Variants in KDM2A observed in about 807,000 individuals in gnomAD.
KDM2A encodes lysine demethylase 2A, also known as lysine-specific demethylase 2A.
A neutral mutation model predicts 137.3 loss-of-function variants in KDM2A; 3 were observed. That is an observed-to-expected ratio of 0.02 (90% CI 0.01 to 0.06). The LOEUF (loss-of-function observed/expected upper bound fraction) is 0.06, where lower values mean the gene tolerates loss of function less well. Ranked by LOEUF, KDM2A falls within the 10% of genes least tolerant of loss-of-function variation. KDM2A has a pLI of 1.00. For synonymous variants in KDM2A, 512 were observed against 541.5 expected (o/e 0.95, Z 0.76); for missense variants, 738 against 1,510.6 (o/e 0.49, Z 8.48).
intron 2 of KDM2A, among the ~76,000 whole-genome samples, chr11:67,171,360 A>G (rs1020289624): frequency 1.3e-5 from 2 of 152,206 alleles, no homozygotes; most frequent in African/African-American, 2.4e-5. Flanking sequence ...GTATGTAGCA[A>G]ATTGTCAATA....
At chr11:67,235,767 C>T (rs1858853972) in intron 12 of KDM2A, among the ~76,000 whole-genome samples, 1 of 151,070 alleles carries the variant, frequency 6.6e-6, no homozygotes, top group Admixed American at 6.6e-5. Context: ...TCTACAGGCA[C>T]GCACCACCAC....
At chr11:67,129,860 G>T (rs1590705100) in intron 2 of KDM2A, among the ~76,000 whole-genome samples, 1 of 150,670 alleles carries the variant, frequency 6.6e-6, no homozygotes, top group Non-Finnish European at 1.5e-5. Context: ...GCTGTACGCC[G>T]AGATCGTGCC....
At chr11:67,228,686 GAAA>G (rs139339570) in intron 11 of KDM2A, among the ~76,000 whole-genome samples, 10,908 of 104,924 alleles carry the variant, frequency 0.1, 1,414 homozygotes, top group African/African-American at 0.32. Flanking sequence ...ACCCTGTTGC[GAAA>G]AAAAAAAAAA....
intron 2 of KDM2A, among the ~76,000 whole-genome samples, chr11:67,176,029 G>T (rs1475038442): frequency 6.6e-6 from 1 of 152,142 alleles, no homozygotes; most frequent in African/African-American, 2.4e-5. Context: ...TACTTTGAAT[G>T]ATGATGGCAT....
intron 2 of KDM2A, among the ~76,000 whole-genome samples, chr11:67,137,793 G>T (rs1856000084): frequency 6.6e-6 from 1 of 152,068 alleles, no homozygotes; most frequent in East Asian, 1.9e-4. Flanking sequence ...GGACTTACTG[G>T]CATATGATTG....
intron 11 of KDM2A, 135 bp downstream of exon 11, chr11:67,228,298 T>G (rs886425845): frequency 2.2e-6 from 2 of 892,536 alleles, no homozygotes; most frequent in Admixed American, 2.5e-5. Context: ...AATTCATCAC[T>G]GGAATTGAAT....
chr11:67,182,635 C>T (rs1248752027), intron 5 of KDM2A, among the ~76,000 whole-genome samples: 1 of 150,964 alleles, frequency 6.6e-6, no homozygotes, highest in Non-Finnish European at 1.5e-5. Flanking sequence ...TGCATTCGAG[C>T]AGTTCTCCCA....
intron 2 of KDM2A, among the ~76,000 whole-genome samples, chr11:67,166,939 G>A (rs944795528): frequency 4.0e-5 from 6 of 151,850 alleles, no homozygotes; most frequent in African/African-American, 1.5e-4. Context: ...TTAGCCAGGC[G>A]TGGTGGTGCA....
intron 6 of KDM2A, 49 bp from the exon 7 acceptor site, chr11:67,215,291 A>G: frequency 8.2e-7 from 1 of 1,219,588 alleles, no homozygotes; most frequent in Non-Finnish European, 1.2e-6. Flanking sequence ...ATTATCTTTG[A>G]CCCCAACCTT....
In KDM2A at chr11:67,239,411, T is replaced by G. The variant is rs180742651; in HGVS notation, c.1480-3598T>G. Reference sequence around the variant, plus strand: ...GCATCTGTTTTAGATGTAGTTGATGTTAGCCGTATTTTATTGAATATCTCA... The same window carrying G: ...GCATCTGTTTTAGATGTAGTTGATGGTAGCCGTATTTTATTGAATATCTCA... On this transcript the variant is annotated intron_variant, in intron 12 of 20. Coordinates refer to ENST00000529006, the MANE Select transcript of KDM2A (RefSeq NM_012308.3). Among the ~76,000 whole-genome samples, 6 of 152,338 alleles carry G rather than the reference T, an allele frequency of 3.9e-5. No homozygotes were observed. In the East Asian group the frequency reaches 1.2e-3, roughly 29 times the overall value.
At chr11:67,184,824 A>G (rs745609437) in intron 5 of KDM2A, among the ~76,000 whole-genome samples, 10 of 152,242 alleles carry the variant, frequency 6.6e-5, no homozygotes, top group Non-Finnish European at 1.5e-4. Context: ...ACACAGAGAT[A>G]GCCTATAAAA....
chr11:67,218,674 GGCTCACT>G (rs1380310664), intron 9 of KDM2A, among the ~76,000 whole-genome samples: 3 of 152,122 alleles, frequency 2.0e-5, no homozygotes, highest in Non-Finnish European at 2.9e-5. Flanking sequence ...GCGTGATCTT[GGCTCACT>G]GCAACCTCCA....
intron 2 of KDM2A, 75 bp from the exon 3 acceptor site, chr11:67,180,004 A>G (rs1857053102): frequency 6.9e-7 from 1 of 1,457,812 alleles, no homozygotes; most frequent in East Asian, 2.4e-5. Flanking sequence ...TTGCACATGT[A>G]GGGAAATCTA....
chr11:67,171,942 A>G (rs1282994743), intron 2 of KDM2A, among the ~76,000 whole-genome samples: 1 of 152,186 alleles, frequency 6.6e-6, no homozygotes, highest in Non-Finnish European at 1.5e-5. Context: ...TGATTACTAT[A>G]TGTTTATAGT....
intron 13 of KDM2A, chr11:67,243,926 T>G (rs1859126307): frequency 1.3e-5 from 2 of 152,240 alleles, no homozygotes; most frequent in South Asian, 4.1e-4. Context: ...CCCCATACTG[T>G]CCTCTATCAA....
In KDM2A at chr11:67,217,892, A is replaced by G. The variant is rs1275567172; in HGVS notation, c.841+8A>G. 1 of 1,589,166 alleles carries G rather than the reference A, an allele frequency of 6.3e-7. No homozygotes were observed. Among genetic ancestry groups the G allele is most frequent in the Non-Finnish European group, 8.6e-7 (1 of 1,167,336 alleles). ...CCTTCGTCATTCCCTCAGGTAAGCAAAATGGGAAGAGTGGGTTATTTAGCC... is the reference window on the plus strand; with the variant it reads ...CCTTCGTCATTCCCTCAGGTAAGCAGAATGGGAAGAGTGGGTTATTTAGCC... On this transcript the variant is annotated splice_region_variant and intron_variant, in intron 9 of 20. Transcript: ENST00000529006.
rs912043158 is a variant in KDM2A, at chr11:67,203,012, A to G, written c.308-4498A>G. Among the ~76,000 whole-genome samples the G allele has an allele frequency of 1.3e-4, 19 of 151,934 alleles. No individual in the cohort carries two copies. In the South Asian group the frequency reaches 3.1e-3, roughly 25 times the overall value. On this transcript the variant is annotated intron_variant, in intron 5 of 20. Transcript: ENST00000529006. ...CCTGTCCGTCCGCCGCCAAAAAAAA[A>G]AAAAAAGAAAAACGGTTTACACTTC... is the stretch of plus-strand genomic sequence containing the variant.
At chr11:67,137,408 G>C (rs1287403939) in intron 2 of KDM2A, among the ~76,000 whole-genome samples, 1 of 152,100 alleles carries the variant, frequency 6.6e-6, no homozygotes, top group Non-Finnish European at 1.5e-5. Flanking sequence ...TATTGGTTCA[G>C]GTAAGACAAT....
chr11:67,148,674 G>C (rs1856313276), intron 2 of KDM2A, among the ~76,000 whole-genome samples: 1 of 152,026 alleles, frequency 6.6e-6, no homozygotes, highest in South Asian at 2.1e-4. Context: ...GGTGGTGGGT[G>C]CCTGTAATCC....
Sources: gnomAD v4.1 joint callset for allele counts (sites outside exome capture counted in the v4.1 genomes callset) on GRCh38, gnomAD v4.1.1 for gene constraint, MANE v1.5 for transcripts, NCBI Gene and HGNC (gene_info 2026-07-23, HGNC 2026-07-21) for gene names.